The following INTS9 variants were observed in gnomAD, a reference collection of about 807,000 sequenced individuals.
The protein encoded by INTS9 is integrator complex subunit 9.
In INTS9, 55 loss-of-function variants were observed where a neutral mutation model predicts 79.7. The observed-to-expected ratio is 0.69, with a 90% CI of 0.56 to 0.86. The LOEUF is 0.86. Among genes scored for constraint, INTS9 ranks in the 40% least tolerant of loss-of-function variants. The pLI is 0.00. For missense variants in INTS9, 721 were observed against 831.5 expected (o/e 0.87, Z 1.64); for synonymous variants, 319 against 325.2 (o/e 0.98, Z 0.20).
Position 28,796,545 on chromosome 8 carries a change from T to G in INTS9, c.855A>C (p.Leu285=). 1.9e-6 allele frequency: 3 copies of G among 1,576,332 alleles called. No individual in the cohort carries two copies. The highest frequency in any genetic ancestry group is 1.7e-6 in the Non-Finnish European group (2 of 1,145,480). Residue 285 remains leucine, a splice_region_variant and synonymous_variant, in exon 9 of 17, where the codon CTA becomes CTC. Coordinates refer to ENST00000521022, the MANE Select transcript of INTS9 (RefSeq NM_018250.4). ...DGMVGEFCSN[L]ALTVRNGGNV... is the part of the protein sequence containing the mutation. ...GTAAGATGAGAGACGGTTGCACACC[T>G]AGGTTGCTGCAGAACTCTCCCACCA...
At chr8:28,875,675 C>A (rs1167506104) in intron 1 of INTS9, among the ~76,000 whole-genome samples, 5 of 151,418 alleles carry the variant, frequency 3.3e-5, no homozygotes, top group Admixed American at 6.6e-5. Context: ...ATAAGATTAA[C>A]CTTCTATAAT....
At chr8:28,821,314 C>CA (rs1805814746) in intron 6 of INTS9, among the ~76,000 whole-genome samples, 1 of 152,128 alleles carries the variant, frequency 6.6e-6, no homozygotes, top group Admixed American at 6.6e-5. Context: ...TCTTACATGG[C>CA]GGTGGCAAGA....
chr8:28,800,317 G>C (rs1050449987), intron 8 of INTS9, among the ~76,000 whole-genome samples: 1 of 152,210 alleles, frequency 6.6e-6, no homozygotes, highest in African/African-American at 2.4e-5. Context: ...GCAGGAGGCG[G>C]GAGGGCATGG....
At chr8:28,868,578 G>C (rs1808890327) in intron 1 of INTS9, among the ~76,000 whole-genome samples, 1 of 152,082 alleles carries the variant, frequency 6.6e-6, no homozygotes, top group Non-Finnish European at 1.5e-5. Context: ...TCAGCATAAA[G>C]TACTAGTTCT....
At position 28,888,931 on chromosome 8, in the gene INTS9, G is replaced by A. The variant is rs1810370581; in HGVS notation, c.9+943C>T. Among the ~76,000 whole-genome samples the A allele has an allele frequency of 2.0e-5, 3 of 151,638 alleles. No individual in the cohort carries two copies. In the East Asian group the frequency reaches 5.8e-4, roughly 29 times the overall value. ...AAACTTTTTTTTTTTTTGAGACAGA[G>A]TCTCGCGCTGTTGCAAGGCTGGAGT... On this transcript the variant is annotated intron_variant, in intron 1 of 16. Coordinates refer to ENST00000521022, the MANE Select transcript of INTS9 (RefSeq NM_018250.4).
chr8:28,822,665 T>C (rs1158316814), intron 6 of INTS9, among the ~76,000 whole-genome samples: 4 of 152,168 alleles, frequency 2.6e-5, no homozygotes, highest in Admixed American at 2.0e-4. Context: ...AGCTATCATA[T>C]GGGAATCAAG....
rs572124957 is a variant in INTS9, at chr8:28,816,479, G to A, written c.489-2867C>T. ...TCGTCCATGTCCCTACAAAGGACAT[G>A]AACTCATCATTTTTTATGGCTGCAT... On this transcript the variant is annotated intron_variant, in intron 6 of 16. Coordinates refer to ENST00000521022, the MANE Select transcript of INTS9 (RefSeq NM_018250.4). Among the ~76,000 whole-genome samples the A allele has an allele frequency of 2.6e-3, 390 of 151,180 alleles. 1 individual carries two copies. The highest frequency in any genetic ancestry group is 7.7e-3 in the South Asian group (37 of 4,776).
At chr8:28,788,687 G>A (rs555061273) in intron 10 of INTS9, among the ~76,000 whole-genome samples, 1 of 152,218 alleles carries the variant, frequency 6.6e-6, no homozygotes, top group Non-Finnish European at 1.5e-5. Context: ...CCAAAGTGCT[G>A]AGATTACAGG....
intron 2 of INTS9, among the ~76,000 whole-genome samples, chr8:28,855,643 A>T (rs1808109021): frequency 6.6e-6 from 1 of 152,218 alleles, no homozygotes; most frequent in Admixed American, 6.5e-5. Flanking sequence ...GCTAAATGCA[A>T]TGTGGATGGG....
At chr8:28,851,416 GTTTGTT>G (rs532007435) in intron 2 of INTS9, among the ~76,000 whole-genome samples, 7 of 151,844 alleles carry the variant, frequency 4.6e-5, no homozygotes, top group African/African-American at 1.7e-4. Context: ...GGTGGGGTAA[GTTTGTT>G]TTTGTTTTTG....
chr8:28,833,539 GA>G (rs1224157101), intron 6 of INTS9, among the ~76,000 whole-genome samples: 2 of 151,700 alleles, frequency 1.3e-5, no homozygotes, highest in Non-Finnish European at 2.9e-5. Flanking sequence ...AGAATCGCTT[GA>G]ACCCTGGAGG....
At chr8:28,780,349 T>G in intron 12 of INTS9, 1 of 982,392 alleles carries the variant, frequency 1.0e-6, no homozygotes, top group Non-Finnish European at 1.2e-6. Context: ...CACGCTACAC[T>G]GATAAAATGA....
At chr8:28,843,804 C>T (rs1047827603) in intron 4 of INTS9, among the ~76,000 whole-genome samples, 4 of 151,002 alleles carry the variant, frequency 2.6e-5, no homozygotes, top group Admixed American at 6.6e-5. Flanking sequence ...CTTGAAATGG[C>T]GGGCAATATC....
At chr8:28,769,827 T>C (rs915438348) in intron 16 of INTS9, 62 bp downstream of exon 16, 1 of 1,594,778 alleles carries the variant, frequency 6.3e-7, no homozygotes, top group Admixed American at 1.7e-5. Flanking sequence ...CAGGGGGCCA[T>C]AGTGAGCCAG....
intron 7 of INTS9, 68 bp from the exon 8 acceptor site, chr8:28,812,529 G>A: frequency 2.0e-6 from 3 of 1,519,440 alleles, no homozygotes; most frequent in East Asian, 2.3e-5. Context: ...TAATTCTGCA[G>A]GGAAAAACAA....
intron 1 of INTS9, among the ~76,000 whole-genome samples, chr8:28,862,635 C>T (rs1808521145): frequency 6.6e-6 from 1 of 152,032 alleles, no homozygotes; most frequent in African/African-American, 2.4e-5. Context: ...AAAATGCTTT[C>T]CAAAAAGGAC....
intron 6 of INTS9, among the ~76,000 whole-genome samples, chr8:28,815,704 T>C (rs916470498): frequency 6.6e-6 from 1 of 151,980 alleles, no homozygotes; most frequent in African/African-American, 2.4e-5. Context: ...AATGAAGAGA[T>C]TTAAACAATT....
At chr8:28,839,239 G>T (rs543989862) in intron 4 of INTS9, among the ~76,000 whole-genome samples, 9 of 152,174 alleles carry the variant, frequency 5.9e-5, no homozygotes, top group East Asian at 3.9e-4. Context: ...ACAAGGGACA[G>T]GAAGGACCTC....
intron 1 of INTS9, among the ~76,000 whole-genome samples, chr8:28,876,396 A>G (rs1175482875): frequency 6.6e-6 from 1 of 152,236 alleles, no homozygotes; most frequent in Non-Finnish European, 1.5e-5. Context: ...AGGACACACA[A>G]TAAAACACAA....
Sources: gnomAD v4.1 joint callset for allele counts (sites outside exome capture counted in the v4.1 genomes callset) on GRCh38, gnomAD v4.1.1 for gene constraint, MANE v1.5 for transcripts, NCBI Gene and HGNC (gene_info 2026-07-23, HGNC 2026-07-21) for gene names.